PARP4: variants seen among roughly 807,000 people sequenced by gnomAD.
The protein encoded by PARP4 is protein mono-ADP-ribosyltransferase PARP4.
Under a neutral mutation model 187.7 loss-of-function variants are expected in PARP4, and 120 were observed. That is an observed-to-expected ratio of 0.64 (90% CI 0.55 to 0.74). The LOEUF (loss-of-function observed/expected upper bound fraction) is 0.74, where lower values mean the gene tolerates loss of function less well. Ranked by LOEUF, PARP4 falls within the 30% of genes least tolerant of loss-of-function variation. The pLI is 0.00. For synonymous variants in PARP4, 654 were observed against 740.9 expected (o/e 0.88, Z 1.90); for missense variants, 1,836 against 2,070.5 (o/e 0.89, Z 2.20).
intron 22 of PARP4, among the ~76,000 whole-genome samples, chr13:24,454,096 CAA>C (rs55858438): frequency 0.021 from 2,179 of 101,856 alleles, 46 homozygotes; most frequent in African/African-American, 0.065. Flanking sequence ...GACTCTGTCT[CAA>C]AAAAAAAAAA....
chr13:24,504,307 C>CTTTTTTT (rs11434017), intron 1 of PARP4, among the ~76,000 whole-genome samples: 29 of 87,358 alleles, frequency 3.3e-4, no homozygotes, highest in African/African-American at 7.1e-4. Flanking sequence ...CATTTAGGTT[C>CTTTTTTT]TTTTTTTTTT....
chr13:24,435,498 A>G (rs773140380), intron 30 of PARP4, 24 bp from the exon 31 acceptor site: 1 of 1,541,496 alleles, frequency 6.5e-7, no homozygotes, highest in South Asian at 1.3e-5. Context: ...AGAATTATTA[A>G]CGTAAGGGGA....
Position 24,486,164 on chromosome 13 carries a change from T to G in PARP4, c.1352+4A>C. ...TTTTGAAAAATAAAGATGGCTACTCTTACCGACACAAGATTCCCACGATGT... is the reference window on the plus strand; with the variant it reads ...TTTTGAAAAATAAAGATGGCTACTCGTACCGACACAAGATTCCCACGATGT... On this transcript the variant is annotated splice_donor_region_variant and intron_variant, in intron 11 of 33. Transcript: ENST00000381989. The G allele has an allele frequency of 6.2e-7, 1 of 1,608,020 alleles. No individual in the cohort carries two copies. The highest frequency in any genetic ancestry group is 8.5e-7 in the Non-Finnish European group (1 of 1,178,034).
At chr13:24,507,507 G>A (rs976244247) in intron 1 of PARP4, among the ~76,000 whole-genome samples, 4 of 152,112 alleles carry the variant, frequency 2.6e-5, no homozygotes, top group African/African-American at 9.7e-5. Flanking sequence ...ACAACCACTG[G>A]GTGCTATTCT....
intron 1 of PARP4, among the ~76,000 whole-genome samples, chr13:24,509,569 A>G (rs776393455): frequency 1.2e-3 from 184 of 152,234 alleles, no homozygotes; most frequent in Non-Finnish European, 2.3e-3. Flanking sequence ...TAATGTATGT[A>G]AATTGTACCC....
chr13:24,474,642 G>A (rs9511299), intron 15 of PARP4, among the ~76,000 whole-genome samples: 11,749 of 151,444 alleles, frequency 0.078, 221 homozygotes, highest in Non-Finnish European at 0.12. Flanking sequence ...TGCGGCTCCC[G>A]CAGGCACAGT....
Position 24,452,475 on chromosome 13 carries a change from T to C in PARP4, c.2945A>G (p.Asp982Gly), listed in dbSNP as rs1469206684. Reference sequence around the variant, plus strand: ...CACGAGCTGTAATGTCAGGCTCTCATCCTGGAGGTGCCCATCAGACACCAG... The same window carrying C: ...CACGAGCTGTAATGTCAGGCTCTCACCCTGGAGGTGCCCATCAGACACCAG... ...ILLVSDGHLQ[D>G]ESLTLQLVKR... The change falls in exon 24 of 34, where the codon GAT becomes GGT. Residue 982 changes from aspartate (D) to glycine (G), a missense_variant. By Grantham distance (94) the Asp-to-Gly change is moderately conservative. Transcript: ENST00000381989. The C allele has an allele frequency of 6.2e-7, 1 of 1,614,156 alleles. No individual in the cohort carries two copies. The highest frequency in any genetic ancestry group is 8.5e-7 in the Non-Finnish European group (1 of 1,180,008).
At chr13:24,421,364 T>C in intron 33 of PARP4, 50 bp from the exon 34 acceptor site, 1 of 706,694 alleles carries the variant, frequency 1.4e-6, no homozygotes, top group Non-Finnish European at 2.3e-6. Flanking sequence ...ATGTGAAATG[T>C]AATGTGGTAC....
intron 20 of PARP4, among the ~76,000 whole-genome samples, chr13:24,458,339 G>A (rs1262231539): frequency 6.6e-6 from 1 of 151,922 alleles, no homozygotes; most frequent in Non-Finnish European, 1.5e-5. Context: ...TCGATCTCCT[G>A]ACCTCGTGAT....
intron 17 of PARP4, among the ~76,000 whole-genome samples, chr13:24,463,930 A>AT (rs1400858470): frequency 6.6e-6 from 1 of 152,200 alleles, no homozygotes; most frequent in Admixed American, 6.5e-5. Flanking sequence ...TCTTAAGCTG[A>AT]TAAGCAACTT....
chr13:24,442,050 G>T, intron 29 of PARP4, 82 bp from the exon 30 acceptor site: 8 of 1,303,462 alleles, frequency 6.1e-6, no homozygotes, highest in South Asian at 6.1e-5. Flanking sequence ...CCTATGGGGT[G>T]TTGGTTTGGG....
intron 3 of PARP4, among the ~76,000 whole-genome samples, chr13:24,500,641 A>C (rs933659229): frequency 1.3e-5 from 2 of 152,190 alleles, no homozygotes; most frequent in African/African-American, 4.8e-5. Flanking sequence ...TAGCCATACA[A>C]TTTTCAATTG....
At chr13:24,506,281 G>A (rs1869666049) in intron 1 of PARP4, among the ~76,000 whole-genome samples, 1 of 152,138 alleles carries the variant, frequency 6.6e-6, no homozygotes, top group Admixed American at 6.5e-5. Flanking sequence ...GGTGTCGCTG[G>A]CTTCAGGAGT....
chr13:24,467,954 C>A (rs996421246), intron 17 of PARP4, among the ~76,000 whole-genome samples: 2 of 152,144 alleles, frequency 1.3e-5, no homozygotes, highest in African/African-American at 4.8e-5. Context: ...ATTACTTATT[C>A]CCATCCTGCA....
chr13:24,474,871 C>T, intron 15 of PARP4, among the ~76,000 whole-genome samples: 1 of 151,944 alleles, frequency 6.6e-6, no homozygotes, highest in Non-Finnish European at 1.5e-5. Flanking sequence ...GATGTGAGAG[C>T]CCCTCACCTC....
intron 32 of PARP4, among the ~76,000 whole-genome samples, chr13:24,430,406 A>G (rs1274767155): frequency 2.0e-5 from 3 of 152,098 alleles, no homozygotes; most frequent in African/African-American, 7.2e-5. Flanking sequence ...TAATCCCAAC[A>G]CTTTGGGAGG....
intron 12 of PARP4, among the ~76,000 whole-genome samples, chr13:24,479,938 C>T (rs7993127): frequency 0.29 from 43,936 of 151,838 alleles, 7,124 homozygotes; most frequent in South Asian, 0.46. Context: ...ACGAGCCCAC[C>T]GGGAGGAACG....
rs751157499 is a variant in PARP4 at position 24,434,942 on chromosome 13, A to G, written c.4199T>C (p.Val1400Ala). 1.2e-6 allele frequency: 2 copies of G among 1,613,878 alleles called. No individual in the cohort carries two copies. Among genetic ancestry groups the G allele is most frequent in the African/African-American group, 1.3e-5 (1 of 74,916 alleles). ...AGAGCTTAATGAGCTCCCTGAAAAA[A>G]CAATGCCACAATAGGGTGAAGAAGG... ...NPPSSPYCGIVFSGSSLSSAQ... is the reference protein window; with the variant it reads ...NPPSSPYCGIAFSGSSLSSAQ... Residue 1400 changes from valine (V) to alanine (A), a missense_variant, in exon 31 of 34, where the codon GTT becomes GCT. Transcript: ENST00000381989.
intron 15 of PARP4, among the ~76,000 whole-genome samples, chr13:24,471,198 C>T (rs1872716846): frequency 6.6e-6 from 1 of 152,196 alleles, no homozygotes; most frequent in Admixed American, 6.5e-5. Context: ...CTCAGTTTTA[C>T]GAAACCCTCA....
Sources: allele counts gnomAD v4.1 joint callset (sites outside exome capture counted in the v4.1 genomes callset), GRCh38; gene constraint gnomAD v4.1.1; transcripts MANE v1.5; gene names NCBI Gene and HGNC (gene_info 2026-07-23, HGNC 2026-07-21).